NYAP2: variants seen among roughly 807,000 people sequenced by gnomAD.
The protein encoded by NYAP2 is neuronal tyrosine-phosphorylated phosphoinositide-3-kinase adaptor 2.
Under a neutral mutation model 50.4 loss-of-function variants are expected in NYAP2, and 23 were observed. That is an observed-to-expected ratio of 0.46 (90% CI 0.33 to 0.65). NYAP2 has a LOEUF of 0.65. Among genes scored for constraint, NYAP2 ranks in the 30% least tolerant of loss-of-function variants. The pLI, the probability that NYAP2 is intolerant of heterozygous loss-of-function variation, is 0.02. For missense variants in NYAP2, 885 were observed against 861.0 expected (o/e 1.03, Z -0.35); for synonymous variants, 394 against 365.2 (o/e 1.08, Z -0.90).
intron 4 of NYAP2, among the ~76,000 whole-genome samples, chr2:225,529,353 C>A (rs1023711550): frequency 6.6e-6 from 1 of 152,122 alleles, no homozygotes; most frequent in African/African-American, 2.4e-5. Context: ...GATAGAGTCT[C>A]TCTCTTGTCG....
At chr2:225,575,193 C>T (rs1692150610) in intron 4 of NYAP2, among the ~76,000 whole-genome samples, 1 of 152,070 alleles carries the variant, frequency 6.6e-6, no homozygotes, top group Non-Finnish European at 1.5e-5. Context: ...TATATAACAC[C>T]ATGCTCCCCT....
chr2:225,461,866 T>C (rs894053919), intron 3 of NYAP2, among the ~76,000 whole-genome samples: 10 of 152,228 alleles, frequency 6.6e-5, no homozygotes, highest in Admixed American at 3.3e-4. Flanking sequence ...GTGTCATTGT[T>C]AATTTAGGAA....
chr2:225,505,318 T>C (rs993129487), intron 3 of NYAP2, among the ~76,000 whole-genome samples: 8 of 152,188 alleles, frequency 5.3e-5, no homozygotes, highest in Non-Finnish European at 1.0e-4. Context: ...TATGAAGTGG[T>C]GAAAATGAGT....
At chr2:225,617,610 G>T (rs1348029619) in intron 5 of NYAP2, among the ~76,000 whole-genome samples, 1 of 152,068 alleles carries the variant, frequency 6.6e-6, no homozygotes, top group East Asian at 1.9e-4. Flanking sequence ...TAAATGATGT[G>T]ACTGTTCATA....
chr2:225,553,084 A>G (rs560510283), intron 4 of NYAP2, among the ~76,000 whole-genome samples: 22 of 152,336 alleles, frequency 1.4e-4, no homozygotes, highest in African/African-American at 4.8e-4. Flanking sequence ...GAAAGAGACT[A>G]TCAAACTCCA....
intron 6 of NYAP2, 70 bp downstream of exon 6, chr2:225,627,196 C>A: frequency 8.7e-7 from 1 of 1,146,334 alleles, no homozygotes; most frequent in Non-Finnish European, 1.3e-6. Flanking sequence ...TGCAATATCA[C>A]TTACAGAATT....
intron 4 of NYAP2, among the ~76,000 whole-genome samples, chr2:225,540,067 G>T (rs1691431035): frequency 6.6e-6 from 1 of 152,134 alleles, no homozygotes. Flanking sequence ...TTCCATCTGA[G>T]ACCACGTCAG....
chr2:225,531,981 T>A (rs1034069870), intron 4 of NYAP2, among the ~76,000 whole-genome samples: 1 of 152,250 alleles, frequency 6.6e-6, no homozygotes, highest in African/African-American at 2.4e-5. Context: ...ATCCAAATAA[T>A]ATAAATCAAA....
chr2:225,601,721 T>G (rs1372893077), intron 5 of NYAP2, among the ~76,000 whole-genome samples: 1 of 152,182 alleles, frequency 6.6e-6, no homozygotes, highest in African/African-American at 2.4e-5. Flanking sequence ...TGCCTATTTA[T>G]TCATTGGGTT....
At chr2:225,631,825 G>T (rs1327239316) in intron 6 of NYAP2, among the ~76,000 whole-genome samples, 3 of 152,056 alleles carry the variant, frequency 2.0e-5, no homozygotes, top group African/African-American at 7.2e-5. Context: ...GTTTTGTTTT[G>T]TTCTGTTTTT....
At chr2:225,651,778 T>G in exon 7 of NYAP2, 1 of 560,192 alleles carries the variant, frequency 1.8e-6, no homozygotes, top group Non-Finnish European at 3.1e-6. Flanking sequence ...CCAAATCGTT[T>G]TTGTCTCTGG....
intron 3 of NYAP2, among the ~76,000 whole-genome samples, chr2:225,473,000 T>G (rs982783933): frequency 2.0e-5 from 3 of 152,160 alleles, no homozygotes; most frequent in African/African-American, 4.8e-5. Flanking sequence ...GATGTTCCCC[T>G]TCCTGTGTCC....
At chr2:225,607,894 G>T (rs1299364549) in intron 5 of NYAP2, among the ~76,000 whole-genome samples, 1 of 152,052 alleles carries the variant, frequency 6.6e-6, no homozygotes, top group African/African-American at 2.4e-5. Flanking sequence ...AAGTAAAAAG[G>T]GTTGTTGAAC....
chr2:225,678,297 TTCTC>T, the NYAP2 span, among the ~76,000 whole-genome samples: 8 of 152,148 alleles, frequency 5.3e-5, no homozygotes, highest in African/African-American at 1.9e-4. Flanking sequence ...TATTTGAATC[TTCTC>T]TTTTTATCCC....
chr2:225,442,005 C>A (rs575573273), intron 3 of NYAP2, among the ~76,000 whole-genome samples: 15 of 152,222 alleles, frequency 9.9e-5, no homozygotes, highest in African/African-American at 3.6e-4. Flanking sequence ...TAACAGAAGC[C>A]AAAATGTCAA....
At chr2:225,639,168 A>C (rs1369303688) in intron 6 of NYAP2, among the ~76,000 whole-genome samples, 1 of 152,296 alleles carries the variant, frequency 6.6e-6, no homozygotes, top group East Asian at 1.9e-4. Flanking sequence ...GGGGAGAAAA[A>C]AATAATACAG....
chr2:225,468,208 TGGGCCTA>T (rs1689953905), intron 3 of NYAP2, among the ~76,000 whole-genome samples: 1 of 152,294 alleles, frequency 6.6e-6, no homozygotes, highest in East Asian at 1.9e-4. Flanking sequence ...CTGGATTAGG[TGGGCCTA>T]CTCTGATATG....
intron 3 of NYAP2, among the ~76,000 whole-genome samples, chr2:225,428,540 G>C (rs1243337575): frequency 6.6e-6 from 1 of 152,248 alleles, no homozygotes; most frequent in Non-Finnish European, 1.5e-5. Context: ...ATGAATGAGT[G>C]TGGCAGTGTT....
chr2:225,546,676 T>C (rs1051694977), intron 4 of NYAP2, among the ~76,000 whole-genome samples: 2 of 152,112 alleles, frequency 1.3e-5, no homozygotes, highest in East Asian at 3.9e-4. Context: ...CTTGGTACTC[T>C]GCCCAACTGT....
Sources: allele counts gnomAD v4.1 joint callset (sites outside exome capture counted in the v4.1 genomes callset), GRCh38; gene constraint gnomAD v4.1.1; transcripts MANE v1.5; gene names NCBI Gene and HGNC (gene_info 2026-07-23, HGNC 2026-07-21).